Variants in MAML2 observed in about 807,000 individuals in gnomAD.
The protein encoded by MAML2 is mastermind like transcriptional coactivator 2.
In MAML2, 22 loss-of-function variants were observed where a neutral mutation model predicts 96.1. The observed-to-expected ratio is 0.23, with a 90% CI of 0.16 to 0.33. The LOEUF is 0.33. Ranked by LOEUF, MAML2 falls within the 10% of genes least tolerant of loss-of-function variation. The probability of loss-of-function intolerance (pLI) is 1.00; values close to 1 mark genes in which losing one functional copy is unlikely to be tolerated. For missense variants in MAML2, 1,367 were observed against 1,392.4 expected, an observed-to-expected ratio of 0.98 and a Z score of 0.29; for synonymous variants, 561 against 521.3, an observed-to-expected ratio of 1.08 and a Z score of -1.04.
intron 1 of MAML2, among the ~76,000 whole-genome samples, chr11:96,099,245 A>G (rs1412233870): frequency 6.6e-6 from 1 of 152,190 alleles, no homozygotes; most frequent in African/African-American, 2.4e-5. Flanking sequence ...AAAGAGACCA[A>G]TCCGAAAGCT....
intron 1 of MAML2, among the ~76,000 whole-genome samples, chr11:96,309,849 G>A (rs1289778162): frequency 6.6e-6 from 1 of 151,850 alleles, no homozygotes; most frequent in Non-Finnish European, 1.5e-5. Context: ...CAGATAACAT[G>A]CCACCACGCC....
At chr11:96,134,451 C>T (rs571723789) in intron 1 of MAML2, among the ~76,000 whole-genome samples, 1 of 152,184 alleles carries the variant, frequency 6.6e-6, no homozygotes, top group Non-Finnish European at 1.5e-5. Flanking sequence ...CCTCCTTATA[C>T]AACATTAGTG....
intron 1 of MAML2, among the ~76,000 whole-genome samples, chr11:96,264,716 A>G (rs1024961283): frequency 1.3e-5 from 2 of 152,220 alleles, no homozygotes; most frequent in African/African-American, 4.8e-5. Flanking sequence ...TGTACTAACT[A>G]CTGTATTGAA....
At chr11:96,248,218 T>TTC (rs1258017837) in intron 1 of MAML2, among the ~76,000 whole-genome samples, 1 of 151,092 alleles carries the variant, frequency 6.6e-6, no homozygotes, top group Admixed American at 6.6e-5. Context: ...GTTCAAGCGA[T>TTC]TCTCCTACCT....
intron 2 of MAML2, among the ~76,000 whole-genome samples, chr11:96,051,940 C>T (rs1445790592): frequency 1.3e-5 from 2 of 152,178 alleles, no homozygotes; most frequent in Admixed American, 6.5e-5. Context: ...AGCATTGTGG[C>T]ATTGTATGTC....
intron 1 of MAML2, among the ~76,000 whole-genome samples, chr11:96,272,444 C>A (rs1454412407): frequency 6.6e-6 from 1 of 152,168 alleles, no homozygotes; most frequent in African/African-American, 2.4e-5. Context: ...ACATTTTTCA[C>A]ATAAATGGTC....
intron 1 of MAML2, among the ~76,000 whole-genome samples, chr11:96,303,437 G>T (rs531515509): frequency 6.6e-6 from 1 of 152,258 alleles, no homozygotes; most frequent in South Asian, 2.1e-4. Flanking sequence ...CATGGAATGT[G>T]CCATAGAGTA....
At chr11:96,061,946 C>G (rs1859166791) in intron 2 of MAML2, among the ~76,000 whole-genome samples, 1 of 152,096 alleles carries the variant, frequency 6.6e-6, no homozygotes, top group African/African-American at 2.4e-5. Context: ...AGACATTTCA[C>G]TGAATATAAA....
intron 1 of MAML2, among the ~76,000 whole-genome samples, chr11:96,301,380 T>C (rs1281798596): frequency 1.3e-5 from 2 of 152,326 alleles, no homozygotes; most frequent in South Asian, 2.1e-4. Flanking sequence ...CCTCCTTACA[T>C]GCTACACCCT....
chr11:96,115,446 C>T lies in MAML2; in HGVS notation c.514-21929G>A, dbSNP rs184641062. Among the ~76,000 whole-genome samples the T allele has an allele frequency of 1.7e-3, 256 of 150,652 alleles. 2 individuals are homozygous for T. The highest frequency in any genetic ancestry group is 6.8e-3 in the Middle Eastern group (2 of 294). On this transcript the variant is annotated intron_variant, in intron 1 of 4. Transcript: ENST00000524717. The stretch of plus-strand genomic sequence containing the variant: ...TCAGCTGAAGCACTGCGATTACAGA[C>T]ATGTAATCCACCACCACACCTGGCG...
intron 1 of MAML2, among the ~76,000 whole-genome samples, chr11:96,314,121 G>A (rs1863594307): frequency 6.6e-6 from 1 of 152,200 alleles, no homozygotes; most frequent in South Asian, 2.1e-4. Flanking sequence ...CATTTTTCAA[G>A]AAAGGGAACT....
At chr11:96,316,232 G>C (rs1224389024) in intron 1 of MAML2, among the ~76,000 whole-genome samples, 1 of 152,154 alleles carries the variant, frequency 6.6e-6, no homozygotes, top group Non-Finnish European at 1.5e-5. Flanking sequence ...GCCCATTCAA[G>C]AAGCAACCAG....
At chr11:96,317,395 A>G (rs1282993218) in intron 1 of MAML2, among the ~76,000 whole-genome samples, 1 of 152,178 alleles carries the variant, frequency 6.6e-6, no homozygotes, top group Non-Finnish European at 1.5e-5. Flanking sequence ...AGTTTCCTAA[A>G]AGCCTGTGTC....
intron 1 of MAML2, among the ~76,000 whole-genome samples, chr11:96,178,751 C>T (rs987787804): frequency 6.6e-6 from 1 of 152,208 alleles, no homozygotes; most frequent in African/African-American, 2.4e-5. Flanking sequence ...TTAATTGTCT[C>T]TTGTGCTTCT....
intron 1 of MAML2, among the ~76,000 whole-genome samples, chr11:96,255,014 G>A (rs558922739): frequency 2.0e-5 from 3 of 152,072 alleles, no homozygotes; most frequent in Admixed American, 1.3e-4. Context: ...TTAGAGGTGG[G>A]GTTTCCCCAA....
intron 2 of MAML2, among the ~76,000 whole-genome samples, chr11:96,003,632 T>A (rs1229647952): frequency 6.6e-6 from 1 of 152,164 alleles, no homozygotes; most frequent in African/African-American, 2.4e-5. Flanking sequence ...TTTTTCTAAG[T>A]TGTATAGGGG....
At chr11:96,022,467 G>A (rs990265636) in intron 2 of MAML2, among the ~76,000 whole-genome samples, 7 of 152,280 alleles carry the variant, frequency 4.6e-5, no homozygotes, top group East Asian at 1.9e-4. Flanking sequence ...TTAGTCTTTC[G>A]CTTGGTGGGA....
At chr11:96,067,399 C>T (rs1413240218) in intron 2 of MAML2, among the ~76,000 whole-genome samples, 1 of 152,186 alleles carries the variant, frequency 6.6e-6, no homozygotes, top group Non-Finnish European at 1.5e-5. Context: ...CCATTTCTAT[C>T]CAAGCAAACG....
chr11:96,143,899 T>A (rs908665964), intron 1 of MAML2, among the ~76,000 whole-genome samples: 3 of 152,180 alleles, frequency 2.0e-5, no homozygotes, highest in African/African-American at 7.2e-5. Flanking sequence ...TTGTTTGGAA[T>A]CAGATGTAGC....
Sources: gnomAD v4.1 joint callset for allele counts (sites outside exome capture counted in the v4.1 genomes callset) on GRCh38, gnomAD v4.1.1 for gene constraint, MANE v1.5 for transcripts, NCBI Gene and HGNC (gene_info 2026-07-23, HGNC 2026-07-21) for gene names.